Variants in OTOG observed in about 807,000 individuals in gnomAD.
The protein encoded by OTOG is otogelin.
In OTOG, 296 loss-of-function variants were observed where a neutral mutation model predicts 313.8. The ratio of observed to expected loss-of-function variants is 0.94; its 90% CI spans 0.86 to 1.04. The LOEUF is 1.04. Among genes scored for constraint, OTOG ranks in the 50% least tolerant of loss-of-function variants. The pLI, the probability that OTOG is intolerant of heterozygous loss-of-function variation, is 0.00. For synonymous variants in OTOG, 1,533 were observed against 1,554.9 expected, an observed-to-expected ratio of 0.99 and a Z score of 0.33; for missense variants, 3,948 against 3,840.1, an observed-to-expected ratio of 1.03 and a Z score of -0.74.
chr11:17,573,861 G>T lies in OTOG; in HGVS notation c.2293+571G>T, dbSNP rs534195119. Among the ~76,000 whole-genome samples, 11 of 152,324 alleles carry T rather than the reference G, an allele frequency of 7.2e-5. No homozygotes were observed. The South Asian group carries it at 2.1e-3, about 29-fold the overall frequency. On this transcript the variant is annotated intron_variant, in intron 19 of 55. Transcript: ENST00000399397. ...GTCAGGAGGCCTGAGTTCTATTCCA[G>T]CCCTGCAGGTGACTTGCTGTGTGTC... is the stretch of plus-strand genomic sequence containing the variant.
chr11:17,547,856 T>C (rs1021457277), intron 1 of OTOG, 71 bp from the exon 2 acceptor site: 17 of 443,548 alleles, frequency 3.8e-5, no homozygotes, highest in Non-Finnish European at 1.6e-5. Context: ...TTTCTAGCAG[T>C]GGGGGCCAGG....
chr11:17,562,255 A>AAG (rs1185573400), intron 15 of OTOG, among the ~76,000 whole-genome samples: 1 of 149,592 alleles, frequency 6.7e-6, no homozygotes, highest in African/African-American at 2.4e-5. Context: ...AAAAAAAAAA[A>AAG]AAAGAAATGT....
rs1448595162 is a variant in OTOG, at chr11:17,594,095, G to A, written c.3337G>A (p.Glu1113Lys). Reference sequence around the variant, plus strand: ...GAACTTTGACTTAAAAACCATCAATGAGATGAGGACCCCGGAGAACCTAGA... The same window carrying A: ...GAACTTTGACTTAAAAACCATCAATAAGATGAGGACCCCGGAGAACCTAGA... ...CGNFDLKTIN[E>K]MRTPENLELT... The change falls in exon 28 of 56, where the codon GAG becomes AAG. Residue 1113 changes from glutamate (E) to lysine (K), a missense_variant. Physicochemically the swap from Glu to Lys is moderately conservative, Grantham distance 56. Transcript: ENST00000399397. The A allele has an allele frequency of 1.3e-6, 2 of 1,550,422 alleles. No individual in the cohort carries two copies. The highest frequency in any genetic ancestry group is 2.4e-5 in the East Asian group (1 of 40,918).
chr11:17,635,828 C>G, intron 47 of OTOG, 117 bp downstream of exon 47: 2 of 807,564 alleles, frequency 2.5e-6, no homozygotes, highest in East Asian at 2.7e-5. Flanking sequence ...GTGGTGAGCT[C>G]TGGAGGGGCC....
At position 17,576,168 on chromosome 11, in the gene OTOG, G is replaced by T. The variant is rs143551441; in HGVS notation, c.2487-388G>T. Among the ~76,000 whole-genome samples the T allele has an allele frequency of 2.6e-3, 398 of 152,352 alleles. 2 individuals are homozygous for T. Among genetic ancestry groups the T allele is most frequent in the African/African-American group, 9.2e-3 (382 of 41,582 alleles). On this transcript the variant is annotated intron_variant, in intron 20 of 55. Coordinates refer to ENST00000399397, the MANE Select transcript of OTOG (RefSeq NM_001292063.2). ...ATTGGAATAGATGCTGGGCGTGAGT[G>T]ACCAGGACACCTGTGTCAGGATGCA...
chr11:17,553,990 T>G (rs1852001532), intron 6 of OTOG, among the ~76,000 whole-genome samples: 1 of 152,210 alleles, frequency 6.6e-6, no homozygotes, highest in South Asian at 2.1e-4. Flanking sequence ...CTGGGAAAGC[T>G]TCCTGGAGAA....
chr11:17,557,361 G>A (rs1449559930), intron 8 of OTOG, 38 bp downstream of exon 8: 1 of 1,541,566 alleles, frequency 6.5e-7, no homozygotes, highest in East Asian at 2.4e-5. Context: ...GGGTGTTGGT[G>A]GGGATGGGGG....
At position 17,645,614 on chromosome 11, in the gene OTOG, C is replaced by T. The variant is rs1189461532; in HGVS notation, c.8512C>T (p.Arg2838Cys). 7.1e-6 allele frequency: 11 copies of T among 1,550,556 alleles called. No individual in the cohort carries two copies. The highest frequency in any genetic ancestry group is 9.6e-6 in the Non-Finnish European group (11 of 1,147,012). ...GAAGGTGACCATCCGCATGACCATC[C>T]GCAAGAATGAATGCAGGAGCAGCAC... Reference protein sequence around the residue: ...CKKVTIRMTIRKNECRSSTPV... With the variant: ...CKKVTIRMTICKNECRSSTPV... The change falls in exon 55 of 56, where the codon CGC becomes TGC. Residue 2838 changes from arginine (R) to cysteine (C), a missense_variant. By Grantham distance (180) the Arg-to-Cys change is radical (BLOSUM62 -3). Transcript: ENST00000399397.
At chr11:17,600,661 T>A (rs1160525107) in intron 31 of OTOG, among the ~76,000 whole-genome samples, 2 of 152,156 alleles carry the variant, frequency 1.3e-5, no homozygotes, top group East Asian at 3.9e-4. Flanking sequence ...CAGGGGCTCT[T>A]GACAGCCCCA....
At chr11:17,605,399 G>T (rs1853357307) in intron 32 of OTOG, among the ~76,000 whole-genome samples, 1 of 152,168 alleles carries the variant, frequency 6.6e-6, no homozygotes, top group Non-Finnish European at 1.5e-5. Context: ...CCAAGCTGGG[G>T]ACCCTATAGC....
intron 39 of OTOG, among the ~76,000 whole-genome samples, chr11:17,625,953 A>G (rs1367189900): frequency 7.9e-5 from 12 of 152,182 alleles, no homozygotes; most frequent in Non-Finnish European, 2.9e-5. Flanking sequence ...TTAAGTCTTT[A>G]ATCCATTTTG....
intron 30 of OTOG, 59 bp from the exon 31 acceptor site, chr11:17,599,612 G>C: frequency 6.5e-7 from 1 of 1,538,028 alleles, no homozygotes; most frequent in Non-Finnish European, 8.8e-7. Context: ...CCTTGGCTCT[G>C]TCTGTCTGTT....
rs1395457087 is a variant in OTOG, at chr11:17,609,120, C to G, written c.4275-10C>G. On this transcript the variant is annotated splice_polypyrimidine_tract_variant and intron_variant, in intron 34 of 55. Transcript: ENST00000399397. ...TCAGGCCTTTAAACTGCTCCCTGCT[C>G]TGTCCTCAGGGTAGAAGGCTGTGTC... 5 of 1,549,492 alleles carry G rather than the reference C, an allele frequency of 3.2e-6. No homozygotes were observed. Among genetic ancestry groups the G allele is most frequent in the East Asian group, 2.4e-5 (1 of 40,924 alleles).
At chr11:17,559,280 GT>G in intron 11 of OTOG, 119 bp downstream of exon 11, 1 of 986,730 alleles carries the variant, frequency 1.0e-6, no homozygotes, top group Non-Finnish European at 1.5e-6. Context: ...CAGCCCCGAG[GT>G]TTTATCGCCA....
chr11:17,630,804 G>C (rs1368572539), intron 40 of OTOG, among the ~76,000 whole-genome samples: 1 of 152,204 alleles, frequency 6.6e-6, no homozygotes, highest in Non-Finnish European at 1.5e-5. Context: ...TTGTGGGCAG[G>C]AAAGTGTGTG....
At chr11:17,553,256 AG>A (rs1565088225) in intron 5 of OTOG, 45 bp downstream of exon 5, 1 of 1,539,826 alleles carries the variant, frequency 6.5e-7, no homozygotes, top group Non-Finnish European at 8.8e-7. Context: ...ACCTGGGTGC[AG>A]GGAAAGCTAG....
At chr11:17,630,186 C>A (rs958735103) in intron 40 of OTOG, among the ~76,000 whole-genome samples, 2 of 152,190 alleles carry the variant, frequency 1.3e-5, no homozygotes, top group African/African-American at 4.8e-5. Flanking sequence ...ACAAAACAGA[C>A]AAAATCCCTG....
At position 17,645,772 on chromosome 11, in the gene OTOG, G is replaced by A. The variant is rs1445602997; in HGVS notation, c.8570G>A (p.Cys2857Tyr). ...PVNLVSCDGR[C>Y]PSASIYNYNI... is the part of the protein sequence containing the mutation. ...AACCTAGTGTCCTGCGATGGGAGGT[G>A]CCCATCCGCCAGCATCTACAACTAC... Residue 2857 changes from cysteine (C) to tyrosine (Y), a missense_variant, in exon 56 of 56, where the codon TGC becomes TAC. Physicochemically the swap from Cys to Tyr is radical, Grantham distance 194. Coordinates refer to ENST00000399397, the MANE Select transcript of OTOG (RefSeq NM_001292063.2). The A allele has an allele frequency of 1.9e-5, 29 of 1,550,758 alleles. No individual in the cohort carries two copies. Among genetic ancestry groups the A allele is most frequent in the Non-Finnish European group, 2.5e-5 (29 of 1,147,064 alleles).
intron 53 of OTOG, among the ~76,000 whole-genome samples, chr11:17,643,220 T>C (rs1848009520): frequency 6.6e-6 from 1 of 152,142 alleles, no homozygotes; most frequent in Non-Finnish European, 1.5e-5. Context: ...CCAGGAAAGA[T>C]GGGAGGCCCT....
Sources: gnomAD v4.1 joint callset for allele counts (sites outside exome capture counted in the v4.1 genomes callset) on GRCh38, gnomAD v4.1.1 for gene constraint, MANE v1.5 for transcripts, NCBI Gene and HGNC (gene_info 2026-07-23, HGNC 2026-07-21) for gene names.